The following HOOK3 variants were observed in gnomAD, a reference collection of about 807,000 sequenced individuals.
HOOK3 encodes hook microtubule tethering protein 3.
A neutral mutation model predicts 116.3 loss-of-function variants in HOOK3; 24 were observed. The observed-to-expected ratio is 0.21, with a 90% CI of 0.15 to 0.29. HOOK3 has a LOEUF of 0.29. HOOK3 is among the 10% of genes least tolerant of loss of function. The pLI is 1.00. For synonymous variants in HOOK3, 275 were observed against 283.0 expected (o/e 0.97, Z 0.28); for missense variants, 632 against 830.2 (o/e 0.76, Z 2.93).
At chr8:42,989,130 G>A (rs1409717798) in intron 15 of HOOK3, among the ~76,000 whole-genome samples, 1 of 152,206 alleles carries the variant, frequency 6.6e-6, no homozygotes, top group Non-Finnish European at 1.5e-5. Flanking sequence ...AATATTAGAA[G>A]AGGGTGGAGG....
intron 15 of HOOK3, among the ~76,000 whole-genome samples, chr8:42,995,596 A>T (rs1194739433): frequency 2.0e-5 from 3 of 152,056 alleles, no homozygotes; most frequent in African/African-American, 7.2e-5. Context: ...ATTTTTGCTC[A>T]TGGCCTCAGT....
At chr8:42,938,742 C>T (rs1284128673) in intron 4 of HOOK3, among the ~76,000 whole-genome samples, 3 of 146,638 alleles carry the variant, frequency 2.0e-5, no homozygotes, top group Non-Finnish European at 4.5e-5. Context: ...TTTTATTGAT[C>T]ATTCTTGGGT....
chr8:42,960,959 G>A (rs972953993), intron 8 of HOOK3, among the ~76,000 whole-genome samples: 2 of 152,196 alleles, frequency 1.3e-5, no homozygotes, highest in Non-Finnish European at 2.9e-5. Flanking sequence ...TTCCAGCATG[G>A]CTCCAGCATC....
At chr8:42,948,337 C>G (rs1808273831) in intron 5 of HOOK3, among the ~76,000 whole-genome samples, 1 of 152,176 alleles carries the variant, frequency 6.6e-6, no homozygotes. Flanking sequence ...TAGACACACA[C>G]CCGGTAATAG....
At chr8:42,925,775 C>G in intron 3 of HOOK3, 146 bp downstream of exon 3, 1 of 590,586 alleles carries the variant, frequency 1.7e-6, no homozygotes, top group East Asian at 3.0e-5. Flanking sequence ...TTGAACTCAC[C>G]TGGAGTTGTA....
intron 2 of HOOK3, among the ~76,000 whole-genome samples, chr8:42,920,900 T>G (rs894695255): frequency 6.6e-6 from 1 of 152,218 alleles, no homozygotes; most frequent in African/African-American, 2.4e-5. Context: ...ATAATACAGA[T>G]GTTACTGGTG....
chr8:42,953,871 G>T (rs757540506), intron 6 of HOOK3, among the ~76,000 whole-genome samples: 2 of 152,070 alleles, frequency 1.3e-5, no homozygotes, highest in South Asian at 4.2e-4. Context: ...GCTCAGGTTC[G>T]CATAGAAGTA....
At chr8:42,981,669 A>G (rs1413304700) in intron 13 of HOOK3, among the ~76,000 whole-genome samples, 2 of 151,796 alleles carry the variant, frequency 1.3e-5, no homozygotes, top group East Asian at 3.9e-4. Flanking sequence ...AGATCGCCTT[A>G]GGTCAGGAGT....
chr8:42,982,485 A>G, intron 13 of HOOK3, 142 bp from the exon 14 acceptor site: 1 of 589,784 alleles, frequency 1.7e-6, no homozygotes, highest in East Asian at 2.9e-5. Flanking sequence ...ATACTTAATA[A>G]TATTTTAAGA....
intron 5 of HOOK3, among the ~76,000 whole-genome samples, chr8:42,946,372 A>C (rs1056246523): frequency 6.6e-6 from 1 of 152,182 alleles, no homozygotes; most frequent in Non-Finnish European, 1.5e-5. Context: ...GGAAAGACCT[A>C]GGTTATCTCT....
chr8:42,916,910 C>G (rs1041453917), intron 2 of HOOK3, among the ~76,000 whole-genome samples: 1 of 152,020 alleles, frequency 6.6e-6, no homozygotes, highest in African/African-American at 2.4e-5. Flanking sequence ...CTCTTTAAAT[C>G]GTATTTTGTG....
At chr8:42,900,608 C>T (rs1807166421) in intron 1 of HOOK3, among the ~76,000 whole-genome samples, 1 of 152,088 alleles carries the variant, frequency 6.6e-6, no homozygotes, top group Non-Finnish European at 1.5e-5. Flanking sequence ...CAATTTTTGT[C>T]CTCTAATGGA....
chr8:43,016,465 C>CCA (rs1356934707), intron 21 of HOOK3, among the ~76,000 whole-genome samples: 1 of 152,142 alleles, frequency 6.6e-6, no homozygotes, highest in East Asian at 1.9e-4. Flanking sequence ...AGGAATAACT[C>CCA]CAAATAGACT....
intron 13 of HOOK3, among the ~76,000 whole-genome samples, chr8:42,979,674 A>G (rs972611985): frequency 6.6e-6 from 1 of 151,862 alleles, no homozygotes; most frequent in Admixed American, 6.6e-5. Flanking sequence ...TTCATTTTCT[A>G]GTTTACCCAG....
In HOOK3 at chr8:43,030,528, T is replaced by C; in HGVS notation, c.*12030T>C. ...TAAACAAGTTGTAAATAAAGACTTG[T>C]ATAAAAATTCAGCCTAGATTTCTTT... is the stretch of plus-strand genomic sequence containing the variant. On this transcript the variant is annotated 3_prime_UTR_variant, in exon 22 of 22. Transcript: ENST00000307602. 5.8e-6 allele frequency: 1 copy of C among 171,178 alleles called. No homozygotes were observed. Among genetic ancestry groups the C allele is most frequent in the Non-Finnish European group, 1.3e-5 (1 of 78,860 alleles). 10.6% of individuals were successfully genotyped at this position (171,178 alleles called of 1,614,324 possible).
intron 6 of HOOK3, among the ~76,000 whole-genome samples, chr8:42,954,386 C>G (rs760356873): frequency 6.6e-6 from 1 of 151,956 alleles, no homozygotes; most frequent in Non-Finnish European, 1.5e-5. Flanking sequence ...AAACTCAGAC[C>G]AAGACTGGAC....
At chr8:43,002,854 C>T (rs1809406089) in intron 17 of HOOK3, among the ~76,000 whole-genome samples, 1 of 152,136 alleles carries the variant, frequency 6.6e-6, no homozygotes, top group Admixed American at 6.5e-5. Flanking sequence ...AATCTTCTTT[C>T]TTAAGTAAAT....
rs1032973243 is a variant in HOOK3, at chr8:43,026,607, C to T, written c.*8109C>T. On this transcript the variant is annotated 3_prime_UTR_variant, in exon 22 of 22. Coordinates refer to ENST00000307602, the MANE Select transcript of HOOK3 (RefSeq NM_032410.4). ...TGAAGTTGTATTCATAAAAATTATC[C>T]CATCTTACAGTTAATCAGAAGATGT... The T allele has an allele frequency of 2.0e-4, 43 of 218,586 alleles. No homozygotes were observed. Among genetic ancestry groups the T allele is most frequent in the African/African-American group, 9.4e-4 (42 of 44,582 alleles). The allele number at this position is 218,586 out of a possible 1,614,324, so 13.5% of individuals were successfully genotyped here.
chr8:42,974,990 C>G (rs1182748142), intron 13 of HOOK3, among the ~76,000 whole-genome samples: 1 of 152,160 alleles, frequency 6.6e-6, no homozygotes, highest in Non-Finnish European at 1.5e-5. Flanking sequence ...GAAAGGCCTC[C>G]TAGGCCCTCA....
Sources: gnomAD v4.1 joint callset for allele counts (sites outside exome capture counted in the v4.1 genomes callset) on GRCh38, gnomAD v4.1.1 for gene constraint, MANE v1.5 for transcripts, NCBI Gene and HGNC (gene_info 2026-07-23, HGNC 2026-07-21) for gene names.